SPC24: variants seen among roughly 807,000 people sequenced by gnomAD.
SPC24 encodes kinetochore protein Spc24.
A neutral mutation model predicts 27.6 loss-of-function variants in SPC24; 31 were observed. That is an observed-to-expected ratio of 1.12 (90% confidence interval 0.84 to 1.52). SPC24 has a LOEUF of 1.52. Among genes scored for constraint, SPC24 ranks in the 40% most tolerant of loss-of-function variants. The pLI is 0.00. For synonymous variants in SPC24, 105 were observed against 105.8 expected, an observed-to-expected ratio of 0.99 and a Z score of 0.05; for missense variants, 284 against 252.5, an observed-to-expected ratio of 1.12 and a Z score of -0.84.
At chr19:11,152,838 C>T (rs1227359633) in intron 1 of SPC24, among the ~76,000 whole-genome samples, 1 of 151,994 alleles carries the variant, frequency 6.6e-6, no homozygotes, top group Admixed American at 6.6e-5. Flanking sequence ...TATTCAGACT[C>T]CTCCTGGGCA....
Position 11,147,333 on chromosome 19 carries a change from A to C in SPC24, c.488-44T>G, listed in dbSNP as rs372332361. The C allele has an allele frequency of 2.2e-3, 2,874 of 1,330,784 alleles. 15 individuals are homozygous for C. The highest frequency in any genetic ancestry group is 2.5e-3 in the Non-Finnish European group (2,368 of 961,274). The allele number at this position is 1,330,784 out of a possible 1,614,324, so 82.4% of individuals were successfully genotyped here. ...GAAAGCCCGGGACACACAGCCCCTC[A>C]CACAACCCCACGGGGAAAAGGATAC... On this transcript the variant is annotated intron_variant, in intron 4 of 4. Transcript: ENST00000592540.
At chr19:11,151,914 T>C (rs1251848062) in intron 1 of SPC24, among the ~76,000 whole-genome samples, 1 of 150,722 alleles carries the variant, frequency 6.6e-6, no homozygotes, top group Non-Finnish European at 1.5e-5. Flanking sequence ...GGCCTTTTTT[T>C]TTTTTTAAAC....
At chr19:11,151,080 G>A (rs2077867157) in intron 1 of SPC24, among the ~76,000 whole-genome samples, 1 of 147,252 alleles carries the variant, frequency 6.8e-6, no homozygotes, top group African/African-American at 2.5e-5. Flanking sequence ...GGAGAATGGT[G>A]TGAACCTGGG....
chr19:11,155,624 C>A lies in SPC24; in HGVS notation c.153G>T (p.Gln51His). Reference sequence around the variant, plus strand: ...CCACGCTCCGACCCTCACCTCGCAGCTGCTTCTCGGCACCGTCTTGCGTTT... The same window carrying A: ...CCACGCTCCGACCCTCACCTCGCAGATGCTTCTCGGCACCGTCTTGCGTTT... ...LLETQDGAEKQLREILTMEKE... is the reference protein window; with the variant it reads ...LLETQDGAEKHLREILTMEKE... Residue 51 changes from glutamine to histidine, a missense_variant, in exon 1 of 5, where the codon CAG becomes CAT. Physicochemically the swap from Gln to His is conservative, Grantham distance 24. Transcript: ENST00000592540. 1 of 1,544,892 alleles carries A rather than the reference C, an allele frequency of 6.5e-7. No homozygotes were observed. The highest frequency in any genetic ancestry group is 8.7e-7 in the Non-Finnish European group (1 of 1,151,042).
Position 11,153,512 on chromosome 19 carries a change from A to G in SPC24, c.160+2105T>C, listed in dbSNP as rs1450283434. On this transcript the variant is annotated intron_variant, in intron 1 of 4. Coordinates refer to ENST00000592540, the MANE Select transcript of SPC24 (RefSeq NM_182513.4). ...CGCAGTGGCTCATGCCTATATTCCC[A>G]GCACTTTGGGAGACCGAGGCGGGCG... Among the ~76,000 whole-genome samples, 10 of 152,254 alleles carry G rather than the reference A, an allele frequency of 6.6e-5. No individual in the cohort carries two copies. In the East Asian group the frequency reaches 1.9e-3, roughly 30 times the overall value.
At chr19:11,149,760 G>A (rs1423170044) in intron 1 of SPC24, among the ~76,000 whole-genome samples, 1 of 149,968 alleles carries the variant, frequency 6.7e-6, no homozygotes, top group Non-Finnish European at 1.5e-5. Flanking sequence ...GCCCAGGCTA[G>A]AGTGCAGTGG....
chr19:11,153,344 C>T (rs964394215), intron 1 of SPC24, among the ~76,000 whole-genome samples: 2 of 151,490 alleles, frequency 1.3e-5, no homozygotes, highest in African/African-American at 4.9e-5. Context: ...CCCAGCTACT[C>T]GGGAGGCTGA....
At chr19:11,147,362 C>A in intron 4 of SPC24, 73 bp from the exon 5 acceptor site, 1 of 1,075,534 alleles carries the variant, frequency 9.3e-7, no homozygotes, top group Non-Finnish European at 1.3e-6. Flanking sequence ...AGGATACTGC[C>A]TTTACTTTTT....
chr19:11,152,902 T>C (rs1478890934), intron 1 of SPC24, among the ~76,000 whole-genome samples: 3 of 151,812 alleles, frequency 2.0e-5, no homozygotes, highest in Non-Finnish European at 4.4e-5. Flanking sequence ...GCTTGCCAAG[T>C]TCATTCTCAC....
In SPC24 at chr19:11,147,092, A is replaced by AC; in HGVS notation, c.*90_*91insG. 6 of 764,198 alleles carry AC rather than the reference A, an allele frequency of 7.9e-6. No homozygotes were observed. The highest frequency in any genetic ancestry group is 1.2e-5 in the Non-Finnish European group (6 of 499,930). 47.3% of individuals were successfully genotyped at this position (764,198 alleles called of 1,614,324 possible). A position where few individuals can be genotyped will look rare whatever the true frequency, so the allele number is the denominator to read the frequency against. ...TGAAACTCTGTCTCAAAAAAAAAAA[A>AC]AAAAAGATCTATGTCCCCACATTTC... On this transcript the variant is annotated 3_prime_UTR_variant, in exon 5 of 5. Coordinates refer to ENST00000592540, the MANE Select transcript of SPC24 (RefSeq NM_182513.4).
intron 1 of SPC24, among the ~76,000 whole-genome samples, chr19:11,153,527 C>A (rs1017345228): frequency 3.9e-5 from 6 of 151,904 alleles, no homozygotes; most frequent in African/African-American, 1.5e-4. Flanking sequence ...TTTGGGAGAC[C>A]GAGGCGGGCG....
intron 1 of SPC24, among the ~76,000 whole-genome samples, chr19:11,151,815 G>A (rs190286007): frequency 4.6e-5 from 7 of 151,880 alleles, no homozygotes; most frequent in East Asian, 3.9e-4. Context: ...TCACCATGTT[G>A]GCCAGGCTGG....
At position 11,145,731 on chromosome 19, in the gene SPC24, A is replaced by G. The variant is rs1277720080; in HGVS notation, c.*1452T>C. 6.6e-6 allele frequency: 1 copy of G among 152,168 alleles called. No homozygotes were observed. Among genetic ancestry groups the G allele is most frequent in the African/African-American group, 2.4e-5 (1 of 41,430 alleles). The allele number at this position is 152,168 out of a possible 1,614,324, so 9.4% of individuals were successfully genotyped here. A position where few individuals can be genotyped will look rare whatever the true frequency, so the allele number is the denominator to read the frequency against. The stretch of plus-strand genomic sequence containing the variant: ...TGCCAGGGCTCCAGCCATCACACCC[A>G]CATTCCAGGAAATAGGAAGGGGGAA... On this transcript the variant is annotated 3_prime_UTR_variant, in exon 5 of 5. Coordinates refer to ENST00000592540, the MANE Select transcript of SPC24 (RefSeq NM_182513.4).
At chr19:11,151,674 G>C (rs2077873046) in intron 1 of SPC24, among the ~76,000 whole-genome samples, 1 of 151,682 alleles carries the variant, frequency 6.6e-6, no homozygotes, top group Non-Finnish European at 1.5e-5. Flanking sequence ...CAATGGCACG[G>C]TCTCAGCTCA....
Position 11,148,163 on chromosome 19 carries a change from C to G in SPC24, c.306-46G>C, listed in dbSNP as rs771445127. Reference sequence around the variant, plus strand: ...CCCCGGCTTTCGAGAGAGGGCTGCCCCTGCGCTAACTGCAGCTGGGAGGCC... The same window carrying G: ...CCCCGGCTTTCGAGAGAGGGCTGCCGCTGCGCTAACTGCAGCTGGGAGGCC... On this transcript the variant is annotated intron_variant, in intron 2 of 4. Transcript: ENST00000592540. 9 of 1,324,216 alleles carry G rather than the reference C, an allele frequency of 6.8e-6. No homozygotes were observed. In the Admixed American group the frequency reaches 1.6e-4, roughly 24 times the overall value. 82.0% of individuals were successfully genotyped at this position (1,324,216 alleles called of 1,614,324 possible).
In SPC24 at chr19:11,147,089, A is replaced by C. The variant is rs1484037192; in HGVS notation, c.*94T>G. 8.0e-6 allele frequency: 6 copies of C among 745,620 alleles called. No individual in the cohort carries two copies. Among genetic ancestry groups the C allele is most frequent in the African/African-American group, 5.5e-5 (3 of 54,650 alleles). 46.2% of individuals were successfully genotyped at this position (745,620 alleles called of 1,614,324 possible). A position where few individuals can be genotyped will look rare whatever the true frequency, so the allele number is the denominator to read the frequency against. On this transcript the variant is annotated 3_prime_UTR_variant, in exon 5 of 5. Transcript: ENST00000592540. ...GAGTGAAACTCTGTCTCAAAAAAAAAAAAAAAAAGATCTATGTCCCCACAT... is the reference window on the plus strand; with the variant it reads ...GAGTGAAACTCTGTCTCAAAAAAAACAAAAAAAAGATCTATGTCCCCACAT...
chr19:11,154,903 G>A (rs561469149), intron 1 of SPC24, among the ~76,000 whole-genome samples: 15 of 152,188 alleles, frequency 9.9e-5, no homozygotes, highest in African/African-American at 2.6e-4. Context: ...TAGTGAAGAT[G>A]GGCCGGACAC....
Position 11,148,123 on chromosome 19 carries a change from G to A in SPC24, c.306-6C>T, listed in dbSNP as rs145412599. The A allele has an allele frequency of 1.1e-3, 1,783 of 1,610,242 alleles. 25 individuals carry two copies. In the African/African-American group the frequency reaches 0.022, roughly 20 times the overall value. On this transcript the variant is annotated splice_region_variant and splice_polypyrimidine_tract_variant and intron_variant, in intron 2 of 4. Coordinates refer to ENST00000592540, the MANE Select transcript of SPC24 (RefSeq NM_182513.4). Reference sequence around the variant, plus strand: ...CCAGCTCTCTGGTGAGCTGAGTAGGGCAGGTCGTTAAGGACCCCGGCTTTC... The same window carrying A: ...CCAGCTCTCTGGTGAGCTGAGTAGGACAGGTCGTTAAGGACCCCGGCTTTC...
chr19:11,149,175 T>C lies in SPC24; in HGVS notation c.224A>G (p.Gln75Arg). The C allele has an allele frequency of 1.3e-6, 2 of 1,550,078 alleles. No individual in the cohort carries two copies. The highest frequency in any genetic ancestry group is 1.9e-4 in the Middle Eastern group (1 of 5,348). The change falls in exon 2 of 5, where the codon CAG becomes CGG. Residue 75 changes from glutamine (Q) to arginine (R), a missense_variant. Gln to Arg is a conservative substitution (Grantham distance 43, BLOSUM62 1). Transcript: ENST00000592540. ...SLLNAKEQVH[Q>R]GGVELQQLEA... is the part of the protein sequence containing the mutation. The stretch of plus-strand genomic sequence containing the variant: ...CAGCTGCTGCAGCTCCACGCCTCCC[T>C]GGTGCACCTGCTCCTTCGCATTGAG...
Sources: allele counts gnomAD v4.1 joint callset (sites outside exome capture counted in the v4.1 genomes callset), GRCh38; gene constraint gnomAD v4.1.1; transcripts MANE v1.5; gene names NCBI Gene and HGNC (gene_info 2026-07-23, HGNC 2026-07-21).